Variants in KCNIP4 observed in about 807,000 individuals in gnomAD.
KCNIP4 encodes the protein potassium voltage-gated channel interacting protein 4.
KCNIP4 carries 12 observed loss-of-function variants against 34.0 expected under a neutral mutation model. The ratio of observed to expected loss-of-function variants is 0.35; its 90% CI spans 0.23 to 0.57. The LOEUF is 0.57. Among genes scored for constraint, KCNIP4 ranks in the 20% least tolerant of loss-of-function variants. KCNIP4 has a pLI of 0.83. For missense variants in KCNIP4, 238 were observed against 311.7 expected (o/e 0.76, Z 1.78); for synonymous variants, 124 against 102.2 (o/e 1.21, Z -1.29).
At chr4:20,997,110 T>C (rs562175447) in intron 1 of KCNIP4, among the ~76,000 whole-genome samples, 1 of 151,438 alleles carries the variant, frequency 6.6e-6, no homozygotes, top group East Asian at 1.9e-4. Context: ...TATAAGAGAG[T>C]GGAATGAGGA....
intron 1 of KCNIP4, among the ~76,000 whole-genome samples, chr4:21,822,001 A>C (rs1722381157): frequency 6.6e-6 from 1 of 152,150 alleles, no homozygotes; most frequent in African/African-American, 2.4e-5. Context: ...TAATGTTTAC[A>C]AAATAAAAAA....
At chr4:20,961,274 G>A (rs1733823475) in intron 1 of KCNIP4, among the ~76,000 whole-genome samples, 1 of 152,026 alleles carries the variant, frequency 6.6e-6, no homozygotes, top group South Asian at 2.1e-4. Flanking sequence ...AAAAATCTCT[G>A]GTAGGTAGCT....
chr4:21,557,906 C>T (rs949330871), intron 1 of KCNIP4, among the ~76,000 whole-genome samples: 17 of 152,176 alleles, frequency 1.1e-4, no homozygotes, highest in Middle Eastern at 6.8e-3. Flanking sequence ...GTAGACCTGT[C>T]CCCAGAGATG....
intron 5 of KCNIP4, among the ~76,000 whole-genome samples, chr4:20,746,366 A>G (rs1254939019): frequency 6.6e-6 from 1 of 150,940 alleles, no homozygotes; most frequent in Non-Finnish European, 1.5e-5. Context: ...ACACCAGGGC[A>G]TGTCGGAGGG....
At chr4:20,735,648 T>C (rs945115851) in intron 5 of KCNIP4, among the ~76,000 whole-genome samples, 28 of 151,054 alleles carry the variant, frequency 1.9e-4, no homozygotes, top group Non-Finnish European at 3.2e-4. Context: ...GCCATTCTTC[T>C]GCCTCAGCCT....
Position 21,322,152 on chromosome 4 carries a change from A to AGAAGGAAGGAAGGAAGGAAG in KCNIP4, c.62-439463_62-439444dup, listed in dbSNP as rs200900508. Among the ~76,000 whole-genome samples the AGAAGGAAGGAAGGAAGGAAG allele has an allele frequency of 1.7e-3, 237 of 136,810 alleles. 5 individuals carry two copies. The highest frequency in any genetic ancestry group is 5.7e-3 in the African/African-American group (208 of 36,228). 89.8% of individuals were successfully genotyped at this position (136,810 alleles called of 152,430 possible). On this transcript the variant is annotated intron_variant, in intron 1 of 8. Transcript: ENST00000382152. The stretch of plus-strand genomic sequence containing the variant: ...AGGAAGGAAGGAGGGAGGGAGGGAC[A>AGAAGGAAGGAAGGAAGGAAG]GAAGGAAGGAAGGAAGGAAGGAAGG...
At chr4:21,446,368 C>G (rs1243477993) in intron 1 of KCNIP4, among the ~76,000 whole-genome samples, 1 of 151,908 alleles carries the variant, frequency 6.6e-6, no homozygotes, top group African/African-American at 2.4e-5. Context: ...AGACTTGGAA[C>G]CAACCCAAAT....
rs139235250 is a variant in KCNIP4 at position 21,563,661 on chromosome 4, A to T, written c.61+384910T>A. Among the ~76,000 whole-genome samples, 708 of 152,216 alleles carry T rather than the reference A, an allele frequency of 4.7e-3. 8 individuals are homozygous for T. Among genetic ancestry groups the T allele is most frequent in the African/African-American group, 0.016 (651 of 41,544 alleles). On this transcript the variant is annotated intron_variant, in intron 1 of 8. Transcript: ENST00000382152. ...TATGACAGTAGGAGAGACACATAAA[A>T]TATGTTAAGTCCTATAAGAAAGGTT...
chr4:21,491,788 G>T (rs1314025335), intron 1 of KCNIP4, among the ~76,000 whole-genome samples: 1 of 151,740 alleles, frequency 6.6e-6, no homozygotes, highest in Non-Finnish European at 1.5e-5. Context: ...AATGTGATAA[G>T]AATCATTTTC....
intron 1 of KCNIP4, among the ~76,000 whole-genome samples, chr4:21,249,331 T>C (rs974004906): frequency 6.6e-6 from 1 of 152,110 alleles, no homozygotes; most frequent in African/African-American, 2.4e-5. Context: ...AAGTTCAAAG[T>C]AGCACTCTCT....
chr4:20,740,339 G>T (rs978291107), intron 5 of KCNIP4, among the ~76,000 whole-genome samples: 2 of 152,040 alleles, frequency 1.3e-5, no homozygotes, highest in African/African-American at 4.8e-5. Flanking sequence ...GGGAGGTCGG[G>T]TTACCCACAA....
At chr4:21,278,637 T>C (rs534239404) in intron 1 of KCNIP4, among the ~76,000 whole-genome samples, 15 of 152,206 alleles carry the variant, frequency 9.9e-5, no homozygotes, top group Middle Eastern at 3.4e-3. Context: ...ATGTAGTACA[T>C]ATACACCATG....
At chr4:21,423,808 ATTT>A (rs58053047) in intron 1 of KCNIP4, among the ~76,000 whole-genome samples, 5 of 141,378 alleles carry the variant, frequency 3.5e-5, no homozygotes, top group Non-Finnish European at 3.1e-5. Context: ...ACTTATGAGA[ATTT>A]TTTTTTTTTT....
intron 1 of KCNIP4, among the ~76,000 whole-genome samples, chr4:21,301,913 T>A (rs1578046757): frequency 6.6e-6 from 1 of 152,216 alleles, no homozygotes; most frequent in African/African-American, 2.4e-5. Context: ...AAAAACACTA[T>A]TGCTTTCTAT....
At chr4:21,098,479 T>C (rs930269626) in intron 1 of KCNIP4, among the ~76,000 whole-genome samples, 5 of 152,184 alleles carry the variant, frequency 3.3e-5, no homozygotes, top group South Asian at 2.1e-4. Context: ...CATTTACCAT[T>C]TGAGAAATCC....
At chr4:20,749,774 A>G in intron 4 of KCNIP4, 42 bp from the exon 5 acceptor site, 1 of 1,343,926 alleles carries the variant, frequency 7.4e-7, no homozygotes, top group East Asian at 2.3e-5. Flanking sequence ...CAGTGTTTCC[A>G]TATCCTACAT....
At chr4:21,484,055 G>A (rs550845997) in intron 1 of KCNIP4, among the ~76,000 whole-genome samples, 75 of 151,902 alleles carry the variant, frequency 4.9e-4, no homozygotes, top group South Asian at 8.3e-4. Flanking sequence ...TTGTAGCAGC[G>A]TGATAATGGA....
At chr4:21,496,977 A>T (rs1001428505) in intron 1 of KCNIP4, among the ~76,000 whole-genome samples, 2 of 152,170 alleles carry the variant, frequency 1.3e-5, no homozygotes, top group African/African-American at 4.8e-5. Context: ...TACAGGATAA[A>T]GTCCAGTTTC....
intron 1 of KCNIP4, among the ~76,000 whole-genome samples, chr4:21,413,455 A>C (rs556353642): frequency 6.6e-6 from 1 of 152,338 alleles, no homozygotes; most frequent in South Asian, 2.1e-4. Context: ...GCACCTTAAA[A>C]AAATCCAGAT....
Sources: gnomAD v4.1 joint callset for allele counts (sites outside exome capture counted in the v4.1 genomes callset) on GRCh38, gnomAD v4.1.1 for gene constraint, MANE v1.5 for transcripts, NCBI Gene and HGNC (gene_info 2026-07-23, HGNC 2026-07-21) for gene names.